SUPT20H: variants seen among roughly 807,000 people sequenced by gnomAD.
SUPT20H encodes the protein transcription factor SPT20 homolog.
A neutral mutation model predicts 122.8 loss-of-function variants in SUPT20H; 82 were observed. The ratio of observed to expected loss-of-function variants is 0.67; its 90% CI spans 0.56 to 0.80. SUPT20H has a LOEUF of 0.80. Ranked by LOEUF, SUPT20H falls within the 30% of genes least tolerant of loss-of-function variation. The probability of loss-of-function intolerance (pLI) is 0.00; values close to 1 mark genes in which losing one functional copy is unlikely to be tolerated. For synonymous variants in SUPT20H, 291 were observed against 313.0 expected (o/e 0.93, Z 0.74); for missense variants, 831 against 921.6 (o/e 0.90, Z 1.27).
chr13:37,036,513 G>A (rs528334211), intron 9 of SUPT20H, among the ~76,000 whole-genome samples: 13 of 151,950 alleles, frequency 8.6e-5, no homozygotes, highest in Non-Finnish European at 1.9e-4. Flanking sequence ...TTAGAGACGG[G>A]GTTTCACCAT....
At chr13:37,017,114 T>C in intron 23 of SUPT20H, 131 bp downstream of exon 23, 1 of 1,272,892 alleles carries the variant, frequency 7.9e-7, no homozygotes, top group Non-Finnish European at 1.1e-6. Flanking sequence ...CAATAGCTGA[T>C]TGCTACTATT....
intron 5 of SUPT20H, among the ~76,000 whole-genome samples, chr13:37,046,490 T>G (rs1409511476): frequency 2.6e-5 from 4 of 152,208 alleles, no homozygotes; most frequent in Non-Finnish European, 5.9e-5. Flanking sequence ...CAATACTCAA[T>G]GTGTCTTTGT....
rs745332391 is a variant in SUPT20H, at chr13:37,021,994, C to T, written c.1661+17G>A. 8 of 1,535,942 alleles carry T rather than the reference C, an allele frequency of 5.2e-6. No individual in the cohort carries two copies. Among genetic ancestry groups the T allele is most frequent in the Admixed American group, 2.1e-5 (1 of 47,032 alleles). ...TATCTTTATAAAAAAAAAATCCGAA[C>T]ATCAATGCAAACTTACCAAACAGAG... is the stretch of plus-strand genomic sequence containing the variant. On this transcript the variant is annotated intron_variant, in intron 20 of 25. Coordinates refer to ENST00000350612, the MANE Select transcript of SUPT20H (RefSeq NM_001014286.3).
At chr13:37,040,080 T>TC (rs1366964184) in intron 9 of SUPT20H, 2 of 73,422 alleles carry the variant, frequency 2.7e-5, no homozygotes, top group Admixed American at 4.7e-4. Context: ...TTGAATTATT[T>TC]GAAAAAAAAA....
chr13:37,040,279 G>A lies in SUPT20H; in HGVS notation c.567+126C>T. ...TTCTAGATCTTATAAAGGAATACCA[G>A]CTTTTCACATAAAGCATCAAACTTA... On this transcript the variant is annotated intron_variant, in intron 9 of 25. Coordinates refer to ENST00000350612, the MANE Select transcript of SUPT20H (RefSeq NM_001014286.3). 5 of 841,870 alleles carry A rather than the reference G, an allele frequency of 5.9e-6. No individual in the cohort carries two copies. The South Asian group carries it at 1.0e-4, about 18-fold the overall frequency. The allele number at this position is 841,870 out of a possible 1,614,324, so 52.2% of individuals were successfully genotyped here.
intron 22 of SUPT20H, among the ~76,000 whole-genome samples, chr13:37,018,640 G>A (rs763999163): frequency 6.6e-6 from 1 of 152,092 alleles, no homozygotes; most frequent in Non-Finnish European, 1.5e-5. Flanking sequence ...ATAACACGAG[G>A]AATGTTGTAA....
At chr13:37,036,226 AT>A (rs996746274) in intron 9 of SUPT20H, among the ~76,000 whole-genome samples, 7 of 151,626 alleles carry the variant, frequency 4.6e-5, no homozygotes, top group African/African-American at 1.2e-4. Context: ...ATGTATATAG[AT>A]TTTTTTTTAA....
At chr13:37,019,463 T>C in intron 21 of SUPT20H, 66 bp from the exon 22 acceptor site, 1 of 1,159,626 alleles carries the variant, frequency 8.6e-7, no homozygotes, top group Non-Finnish European at 1.2e-6. Context: ...TAATTTATAC[T>C]TTAGTATATA....
chr13:37,045,184 A>C, intron 6 of SUPT20H, 63 bp downstream of exon 6: 1 of 1,596,648 alleles, frequency 6.3e-7, no homozygotes, highest in Middle Eastern at 1.7e-4. Context: ...AACTACTTTA[A>C]AAAAACCGCA....
intron 9 of SUPT20H, 55 bp downstream of exon 9, chr13:37,040,350 A>T: frequency 1.4e-6 from 2 of 1,430,360 alleles, no homozygotes; most frequent in South Asian, 1.4e-5. Context: ...CTTAATGATA[A>T]TTTTTTTTCA....
intron 7 of SUPT20H, among the ~76,000 whole-genome samples, chr13:37,043,236 G>A (rs1594400523): frequency 6.6e-6 from 1 of 152,204 alleles, no homozygotes; most frequent in Non-Finnish European, 1.5e-5. Context: ...GGGAAGGCAG[G>A]CAGATATGAA....
chr13:37,015,354 T>C (rs2060266945), intron 23 of SUPT20H, among the ~76,000 whole-genome samples: 1 of 151,230 alleles, frequency 6.6e-6, no homozygotes, highest in African/African-American at 2.4e-5. Flanking sequence ...AACAGACTTT[T>C]CTCCAAAGAT....
At chr13:37,042,866 C>G (rs1479813986) in intron 7 of SUPT20H, among the ~76,000 whole-genome samples, 1 of 152,086 alleles carries the variant, frequency 6.6e-6, no homozygotes, top group Non-Finnish European at 1.5e-5. Flanking sequence ...TTGAGACATA[C>G]AGGTTAAGAA....
In SUPT20H at chr13:37,018,813, C is replaced by T. The variant is rs142423515; in HGVS notation, c.1872+529G>A. On this transcript the variant is annotated intron_variant, in intron 22 of 25. Transcript: ENST00000350612. ...CAGGGATTACAGGTGCATGCTACCA[C>T]GCTTGGCTAACTTTTTGTAGTGATG... 7.0e-3 allele frequency among the ~76,000 whole-genome samples: 1,062 copies of T among 152,222 alleles called. 44 individuals carry two copies. The highest frequency in any genetic ancestry group is 0.063 in the Admixed American group (969 of 15,286).
rs2065304273 is a variant in SUPT20H, at chr13:37,040,673, C to T, written c.416G>A (p.Gly139Glu). 6.2e-7 allele frequency: 1 copy of T among 1,613,358 alleles called. No individual in the cohort carries two copies. The highest frequency in any genetic ancestry group is 8.5e-7 in the Non-Finnish European group (1 of 1,179,788). Reference protein sequence around the residue: ...EKSQVNIFHCGCVIAEIRDYR... With the variant: ...EKSQVNIFHCECVIAEIRDYR... ...GTCACGTATTTCTGCTATGACACATCCGCAATGAAAAATATTAACCTGTTT... is the reference window on the plus strand; with the variant it reads ...GTCACGTATTTCTGCTATGACACATTCGCAATGAAAAATATTAACCTGTTT... Residue 139 changes from glycine (G) to glutamate (E), a missense_variant, in exon 8 of 26, where the codon GGA becomes GAA. Gly to Glu is a moderately conservative substitution (Grantham distance 98). Coordinates refer to ENST00000350612, the MANE Select transcript of SUPT20H (RefSeq NM_001014286.3).
At chr13:37,040,502 A>G (rs1366798687) in intron 8 of SUPT20H, 44 bp from the exon 9 acceptor site, 3 of 1,582,114 alleles carry the variant, frequency 1.9e-6, no homozygotes, top group Non-Finnish European at 1.7e-6. Flanking sequence ...TCTATGCACA[A>G]ACATATGAAG....
intron 23 of SUPT20H, among the ~76,000 whole-genome samples, chr13:37,016,219 A>G (rs1052996944): frequency 6.6e-6 from 1 of 152,074 alleles, no homozygotes; most frequent in Admixed American, 6.6e-5. Flanking sequence ...TCACGAGGTC[A>G]GGAGATCAAG....
chr13:37,049,494 C>T (rs2067188322), intron 2 of SUPT20H, among the ~76,000 whole-genome samples: 1 of 152,132 alleles, frequency 6.6e-6, no homozygotes, highest in African/African-American at 2.4e-5. Flanking sequence ...AATCCCAGCA[C>T]TTTGAGAGGC....
chr13:37,042,610 C>T (rs1314575126), intron 7 of SUPT20H, among the ~76,000 whole-genome samples: 1 of 152,122 alleles, frequency 6.6e-6, no homozygotes, highest in East Asian at 1.9e-4. Context: ...CTGATCTTTG[C>T]TAAGAGGCCA....
Sources: gnomAD v4.1 joint callset for allele counts (sites outside exome capture counted in the v4.1 genomes callset) on GRCh38, gnomAD v4.1.1 for gene constraint, MANE v1.5 for transcripts, NCBI Gene and HGNC (gene_info 2026-07-23, HGNC 2026-07-21) for gene names.